CYLD: variants seen among roughly 807,000 people sequenced by gnomAD.
CYLD encodes CYLD lysine 63 deubiquitinase.
CYLD carries 26 observed loss-of-function variants against 104.5 expected under a neutral mutation model. The ratio of observed to expected loss-of-function variants is 0.25; its 90% confidence interval spans 0.18 to 0.35. The LOEUF is 0.35. Ranked by LOEUF, CYLD falls within the 10% of genes least tolerant of loss-of-function variation. CYLD has a pLI of 1.00. For missense variants in CYLD, 703 were observed against 1,136.1 expected (o/e 0.62, Z 5.48); for synonymous variants, 385 against 399.9 (o/e 0.96, Z 0.45).
chr16:50,781,490 G>A (rs1970210798), intron 10 of CYLD, 79 bp downstream of exon 10: 2 of 1,508,358 alleles, frequency 1.3e-6, no homozygotes, highest in Non-Finnish European at 9.2e-7. Flanking sequence ...ATTAGGTGAT[G>A]GTGACAGTGT....
At chr16:50,775,406 T>A (rs1969573614) in intron 6 of CYLD, among the ~76,000 whole-genome samples, 1 of 152,224 alleles carries the variant, frequency 6.6e-6, no homozygotes, top group African/African-American at 2.4e-5. Context: ...AATATATTAT[T>A]GTTGTGTGTC....
chr16:50,790,391 A>G (rs1437818654), intron 14 of CYLD, among the ~76,000 whole-genome samples: 1 of 152,000 alleles, frequency 6.6e-6, no homozygotes, highest in South Asian at 2.1e-4. Flanking sequence ...CCCTGCTGCC[A>G]TTATTATGAT....
At chr16:50,750,252 G>A (rs778530180) in intron 3 of CYLD, 50 bp downstream of exon 3, 3 of 1,600,914 alleles carry the variant, frequency 1.9e-6, no homozygotes, top group Admixed American at 1.7e-5. Context: ...GTTCATGTGT[G>A]TCTGTGTATT....
chr16:50,763,362 T>G (rs940307627), intron 5 of CYLD, among the ~76,000 whole-genome samples: 8 of 152,184 alleles, frequency 5.3e-5, no homozygotes, highest in African/African-American at 1.9e-4. Flanking sequence ...GGACATATGC[T>G]TTTGTTTCTC....
intron 11 of CYLD, among the ~76,000 whole-genome samples, chr16:50,783,478 C>T (rs920580917): frequency 3.3e-5 from 5 of 152,080 alleles, no homozygotes; most frequent in African/African-American, 9.7e-5. Context: ...CTTTAGATTT[C>T]CTGATAAAAA....
intron 5 of CYLD, among the ~76,000 whole-genome samples, chr16:50,764,699 G>A (rs890657344): frequency 1.3e-5 from 2 of 152,140 alleles, no homozygotes; most frequent in East Asian, 1.9e-4. Context: ...TTCTCAGCCT[G>A]GGATGCTTTT....
rs1272026496 is a variant in CYLD at position 50,782,309 on chromosome 16, A to T, written c.1685-16A>T. 1.9e-6 allele frequency: 3 copies of T among 1,548,932 alleles called. No individual in the cohort carries two copies. The highest frequency in any genetic ancestry group is 2.3e-5 in the South Asian group (2 of 86,698). ...AGAATTCTTTTCATTTACTTTTTTTAAAAAAATCTTTTCAGCATTTGGAGG... is the reference window on the plus strand; with the variant it reads ...AGAATTCTTTTCATTTACTTTTTTTTAAAAAATCTTTTCAGCATTTGGAGG... On this transcript the variant is annotated splice_polypyrimidine_tract_variant and intron_variant, in intron 10 of 18. Transcript: ENST00000427738.
At chr16:50,745,373 T>G (rs1477422857) in intron 2 of CYLD, among the ~76,000 whole-genome samples, 3 of 141,182 alleles carry the variant, frequency 2.1e-5, no homozygotes, top group Non-Finnish European at 4.6e-5. Flanking sequence ...TTTTTTTTTT[T>G]TTTTTTTTTT....
In CYLD at chr16:50,779,800, A is replaced by C; in HGVS notation, c.1274A>C (p.Lys425Thr). Residue 425 changes from lysine (K) to threonine (T), a missense_variant, in exon 9 of 19, where the codon AAG (lysine) becomes ACG (threonine). By Grantham distance (78) the Lys-to-Thr change is moderately conservative (BLOSUM62 -1). Around this residue, in one of 5 missense-constraint regions of CYLD, gnomAD observed 183 missense variants for 212.1 expected, o/e 0.86. Transcript: ENST00000427738. ...RFHSLPFSLTKMPNTNGSIGH... is the reference protein window; with the variant it reads ...RFHSLPFSLTTMPNTNGSIGH... The stretch of plus-strand genomic sequence containing the variant: ...CACTCTTTACCATTCAGTCTCACCA[A>C]GATGCCCAATACCAATGGAAGTATT... The C allele has an allele frequency of 6.2e-7, 1 of 1,613,670 alleles. No homozygotes were observed. The highest frequency in any genetic ancestry group is 1.1e-5 in the South Asian group (1 of 91,058).
Position 50,800,985 on chromosome 16 carries a change from A to G in CYLD, c.*4477A>G. 1 of 233,504 alleles carries G rather than the reference A, an allele frequency of 4.3e-6. No homozygotes were observed. Among genetic ancestry groups the G allele is most frequent in the Non-Finnish European group, 8.5e-6 (1 of 118,082 alleles). The allele number at this position is 233,504 out of a possible 1,614,324, so 14.5% of individuals were successfully genotyped here. A position where few individuals can be genotyped will look rare whatever the true frequency, so the allele number is the denominator to read the frequency against. ...AAGCAGATGTGTGTGGGGCCTTATGAAGACCAGGATTCTGCGGGTGTCAGG... is the reference window on the plus strand; with the variant it reads ...AAGCAGATGTGTGTGGGGCCTTATGGAGACCAGGATTCTGCGGGTGTCAGG... On this transcript the variant is annotated 3_prime_UTR_variant, in exon 19 of 19. Transcript: ENST00000427738.
intron 5 of CYLD, among the ~76,000 whole-genome samples, chr16:50,758,115 A>G (rs1967474995): frequency 2.0e-5 from 3 of 152,194 alleles, no homozygotes; most frequent in African/African-American, 7.2e-5. Flanking sequence ...GAAAAATGAT[A>G]AACACAGTGA....
chr16:50,792,551 GT>G (rs775440880), intron 15 of CYLD, 45 bp from the exon 16 acceptor site: 13 of 1,403,198 alleles, frequency 9.3e-6, no homozygotes, highest in African/African-American at 1.4e-5. Flanking sequence ...AGGGAAAAGT[GT>G]TTTTTTTAAC....
chr16:50,754,704 A>G (rs147736968), intron 5 of CYLD, among the ~76,000 whole-genome samples: 42 of 149,918 alleles, frequency 2.8e-4, no homozygotes, highest in African/African-American at 9.8e-4. Context: ...CTTAGCTCCT[A>G]CATATAAGTG....
chr16:50,775,991 C>T (rs73584473), intron 6 of CYLD, among the ~76,000 whole-genome samples, 188 bp from the exon 7 acceptor site: 5 of 152,090 alleles, frequency 3.3e-5, no homozygotes, highest in Non-Finnish European at 5.9e-5. Context: ...TTTTGAAATA[C>T]AGCATTGGTT....
chr16:50,772,725 G>GCTAGGCCAAAGGCT (rs1969285635), intron 5 of CYLD, among the ~76,000 whole-genome samples: 2 of 111,664 alleles, frequency 1.8e-5, no homozygotes, highest in African/African-American at 1.2e-4. Context: ...GAGTAGAATT[G>GCTAGGCCAAAGGCT]CTATGCATTT....
chr16:50,769,596 C>G (rs569589921), intron 5 of CYLD, among the ~76,000 whole-genome samples: 1 of 152,260 alleles, frequency 6.6e-6, no homozygotes, highest in Admixed American at 6.5e-5. Context: ...TACAGCATTT[C>G]AGATTATTAT....
chr16:50,787,758 C>T, intron 13 of CYLD, 28 bp from the exon 14 acceptor site: 1 of 1,337,700 alleles, frequency 7.5e-7, no homozygotes, highest in Non-Finnish European at 1.1e-6. Context: ...TTGCCTGTGA[C>T]TTATTTGATT....
chr16:50,775,824 CT>C (rs1457605102), intron 6 of CYLD, among the ~76,000 whole-genome samples: 1 of 152,076 alleles, frequency 6.6e-6, no homozygotes, highest in African/African-American at 2.4e-5. Context: ...TGTTCTAAGC[CT>C]GCTGATTTGG....
intron 2 of CYLD, chr16:50,744,708 T>C (rs1287902092): frequency 6.6e-6 from 1 of 152,388 alleles, no homozygotes. Flanking sequence ...GATGTTCATT[T>C]GTACTATATG....
Sources: allele counts gnomAD v4.1 joint callset (sites outside exome capture counted in the v4.1 genomes callset), GRCh38; gene constraint gnomAD v4.1.1; regional missense constraint gnomAD v4.1.1; transcripts MANE v1.5; gene names NCBI Gene and HGNC (gene_info 2026-07-23, HGNC 2026-07-21).